The following FREM2 variants were observed in gnomAD, a reference collection of about 807,000 sequenced individuals.
The protein encoded by FREM2 is FRAS1-related extracellular matrix protein 2.
A neutral mutation model predicts 219.9 loss-of-function variants in FREM2; 119 were observed. That is an observed-to-expected ratio of 0.54 (90% CI 0.47 to 0.63). The LOEUF (loss-of-function observed/expected upper bound fraction) is 0.63, where lower values mean the gene tolerates loss of function less well. FREM2 is among the 30% of genes least tolerant of loss of function. The probability of loss-of-function intolerance (pLI) is 0.00; values close to 1 mark genes in which losing one functional copy is unlikely to be tolerated. For synonymous variants in FREM2, 1,562 were observed against 1,522.8 expected (o/e 1.03, Z -0.60); for missense variants, 4,030 against 3,993.6 (o/e 1.01, Z -0.25).
intron 2 of FREM2, among the ~76,000 whole-genome samples, chr13:38,737,839 C>A (rs1293650406): frequency 6.6e-6 from 1 of 152,082 alleles, no homozygotes. Flanking sequence ...ATCCTCAAGT[C>A]AATATGGAGT....
intron 2 of FREM2, among the ~76,000 whole-genome samples, chr13:38,738,846 C>T (rs887110378): frequency 6.6e-6 from 1 of 152,038 alleles, no homozygotes; most frequent in Non-Finnish European, 1.5e-5. Context: ...TCAGAAAGCC[C>T]AGAATAAAAC....
chr13:38,836,863 G>T (rs963399523), intron 6 of FREM2, among the ~76,000 whole-genome samples: 1 of 151,844 alleles, frequency 6.6e-6, no homozygotes, highest in South Asian at 2.1e-4. Flanking sequence ...GGCTAGTGGT[G>T]TATCTATTTT....
intron 7 of FREM2, among the ~76,000 whole-genome samples, chr13:38,847,244 A>G (rs895362309): frequency 6.6e-6 from 1 of 152,190 alleles, no homozygotes; most frequent in African/African-American, 2.4e-5. Flanking sequence ...CGGGATCCAC[A>G]TCTCCAAAAA....
intron 2 of FREM2, among the ~76,000 whole-genome samples, chr13:38,703,182 T>G (rs916157021): frequency 1.3e-5 from 2 of 152,076 alleles, no homozygotes; most frequent in African/African-American, 2.4e-5. Flanking sequence ...TAAGGCAAAA[T>G]AATTACTGAT....
Position 38,878,413 on chromosome 13 carries a change from C to T in FREM2, c.8859+92C>T, listed in dbSNP as rs998059972. 1.2e-5 allele frequency: 8 copies of T among 691,084 alleles called. No individual in the cohort carries two copies. The African/African-American group carries it at 1.5e-4, about 13-fold the overall frequency. The allele number at this position is 691,084 out of a possible 1,614,324, so 42.8% of individuals were successfully genotyped here. A position where few individuals can be genotyped will look rare whatever the true frequency, so the allele number is the denominator to read the frequency against. ...TTAAAAACAAGGCTGGGCACAGTGG[C>T]CACACTATAGTCCCAGCACTTTGGG... is the stretch of plus-strand genomic sequence containing the variant. On this transcript the variant is annotated intron_variant, in intron 22 of 23. Transcript: ENST00000280481.
At chr13:38,781,284 A>G (rs2496405) in intron 4 of FREM2, among the ~76,000 whole-genome samples, 135,655 of 151,842 alleles carry the variant, frequency 0.89, 61,481 homozygotes, top group Non-Finnish European at 0.98. Context: ...TTCATATGGG[A>G]CATTTTATTA....
At chr13:38,720,154 C>G (rs923411057) in intron 2 of FREM2, among the ~76,000 whole-genome samples, 3 of 152,196 alleles carry the variant, frequency 2.0e-5, no homozygotes, top group African/African-American at 4.8e-5. Context: ...CACAGCTAGT[C>G]TTAGCTGTGG....
At chr13:38,840,731 T>C (rs9548487) in intron 6 of FREM2, among the ~76,000 whole-genome samples, 3,092 of 150,146 alleles carry the variant, frequency 0.021, 84 homozygotes, top group East Asian at 0.1. Context: ...TATATATATA[T>C]ACACACACAC....
At chr13:38,797,825 G>A (rs1487904025) in intron 6 of FREM2, among the ~76,000 whole-genome samples, 2 of 151,902 alleles carry the variant, frequency 1.3e-5, no homozygotes, top group Non-Finnish European at 2.9e-5. Context: ...TGAGAGACAG[G>A]GGTCCAGTTT....
chr13:38,688,159 G>C lies in FREM2; in HGVS notation c.815G>C (p.Ser272Thr). 1 of 1,613,594 alleles carries C rather than the reference G, an allele frequency of 6.2e-7. No homozygotes were observed. ...GTGCGCTATCGCCACACAGCCGCCAGTCGCTCACCAAACAGGGACTGGATA... is the reference window on the plus strand; with the variant it reads ...GTGCGCTATCGCCACACAGCCGCCACTCGCTCACCAAACAGGGACTGGATA... ...LGVRYRHTAA[S>T]RSPNRDWIPM... is the part of the protein sequence containing the mutation. The change falls in exon 1 of 24, where the codon AGT (serine) becomes ACT (threonine). Residue 272 changes from serine (S) to threonine (T), a missense_variant. Transcript: ENST00000280481.
chr13:38,751,686 G>T (rs370138218), intron 2 of FREM2, among the ~76,000 whole-genome samples: 7 of 152,210 alleles, frequency 4.6e-5, no homozygotes, highest in African/African-American at 1.4e-4. Flanking sequence ...CCTTACTAGA[G>T]TCTACATTTC....
intron 6 of FREM2, among the ~76,000 whole-genome samples, chr13:38,786,319 T>G (rs1874328142): frequency 6.6e-6 from 1 of 152,210 alleles, no homozygotes; most frequent in African/African-American, 2.4e-5. Context: ...TGAAAATGTT[T>G]GAAAACACGA....
chr13:38,739,223 G>A (rs1005695258), intron 2 of FREM2, among the ~76,000 whole-genome samples: 6 of 152,158 alleles, frequency 3.9e-5, no homozygotes, highest in African/African-American at 1.4e-4. Context: ...ATGATTGAAT[G>A]TAATTTTAAA....
chr13:38,850,322 C>T (rs1463656399), intron 9 of FREM2, 87 bp downstream of exon 9: 9 of 1,079,696 alleles, frequency 8.3e-6, no homozygotes, highest in South Asian at 6.6e-5. Context: ...ACAAGTTCCT[C>T]GATATCAACA....
intron 4 of FREM2, among the ~76,000 whole-genome samples, chr13:38,781,548 A>G (rs1874118420): frequency 6.6e-6 from 1 of 152,044 alleles, no homozygotes; most frequent in Non-Finnish European, 1.5e-5. Context: ...TTACTTCTGT[A>G]TCCCCTGCAC....
rs760386883 is a variant in FREM2 at position 38,692,037 on chromosome 13, G to A, written c.4693G>A (p.Asp1565Asn). The change falls in exon 1 of 24, where the codon GAC becomes AAC. Residue 1565 changes from aspartate (D) to asparagine (N), a missense_variant. By Grantham distance (23) the Asp-to-Asn change is conservative. Transcript: ENST00000280481. ...CACTGTCGAAGACAGAGATACTCCTGACAAGCTCCTGAAATTCACTATCAC... is the reference window on the plus strand; with the variant it reads ...CACTGTCGAAGACAGAGATACTCCTAACAAGCTCCTGAAATTCACTATCAC... ...ELTVEDRDTP[D>N]KLLKFTITQV... 3.7e-6 allele frequency: 6 copies of A among 1,614,072 alleles called. No individual in the cohort carries two copies. Among genetic ancestry groups the A allele is most frequent in the East Asian group, 2.2e-5 (1 of 44,894 alleles).
chr13:38,814,548 T>A (rs1875684434), intron 6 of FREM2, among the ~76,000 whole-genome samples: 1 of 152,054 alleles, frequency 6.6e-6, no homozygotes, highest in African/African-American at 2.4e-5. Flanking sequence ...GAACCTGGGG[T>A]GTGGTGAGGA....
In FREM2 at chr13:38,690,184, C is replaced by T. The variant is rs374843497; in HGVS notation, c.2840C>T (p.Thr947Ile). ...DDEVPILSHP[T>I]GTLESYLDVL... ...GAAGTGCCCATACTGAGCCATCCTACTGGCACTCTGGAGTCCTATCTAGAT... is the reference window on the plus strand; with the variant it reads ...GAAGTGCCCATACTGAGCCATCCTATTGGCACTCTGGAGTCCTATCTAGAT... The change falls in exon 1 of 24, where the codon ACT becomes ATT. Residue 947 changes from threonine to isoleucine, a missense_variant. Coordinates refer to ENST00000280481, the MANE Select transcript of FREM2 (RefSeq NM_207361.6). The T allele has an allele frequency of 5.5e-5, 88 of 1,614,020 alleles. No individual in the cohort carries two copies. The highest frequency in any genetic ancestry group is 7.3e-5 in the Non-Finnish European group (86 of 1,180,008).
At chr13:38,880,213 CT>C in intron 23 of FREM2, 70 bp from the exon 24 acceptor site, 2 of 1,453,068 alleles carry the variant, frequency 1.4e-6, no homozygotes, top group South Asian at 1.1e-5. Flanking sequence ...ATTAATTTCT[CT>C]TGCAAAGAGT....
Sources: allele counts gnomAD v4.1 joint callset (sites outside exome capture counted in the v4.1 genomes callset), GRCh38; gene constraint gnomAD v4.1.1; transcripts MANE v1.5; gene names NCBI Gene and HGNC (gene_info 2026-07-23, HGNC 2026-07-21).